Variants in TMEM82 observed in about 807,000 individuals in gnomAD.
The protein encoded by TMEM82 is transmembrane protein 82.
A neutral mutation model predicts 29.2 loss-of-function variants in TMEM82; 30 were observed. The ratio of observed to expected loss-of-function variants is 1.03; its 90% CI spans 0.77 to 1.39. TMEM82 has a LOEUF of 1.39. Ranked by LOEUF, TMEM82 falls within the 40% of genes most tolerant of loss-of-function variation. TMEM82 has a pLI of 0.00. For missense variants in TMEM82, 442 were observed against 447.7 expected (o/e 0.99, Z 0.12); for synonymous variants, 221 against 225.4 (o/e 0.98, Z 0.18).
intron 5 of TMEM82, among the ~76,000 whole-genome samples, chr1:15,747,284 T>G (rs1242153946): frequency 6.7e-6 from 1 of 149,070 alleles, no homozygotes; most frequent in Non-Finnish European, 1.5e-5. Flanking sequence ...AGAGTGAGAC[T>G]CCATCTCCAA....
Position 15,744,118 on chromosome 1 carries a change from G to A in TMEM82, c.337-42G>A. 6.9e-7 allele frequency: 1 copy of A among 1,455,208 alleles called. No individual in the cohort carries two copies. Among genetic ancestry groups the A allele is most frequent in the Non-Finnish European group, 9.1e-7 (1 of 1,104,512 alleles). The allele number at this position is 1,455,208 out of a possible 1,614,324, so 90.1% of individuals were successfully genotyped here. On this transcript the variant is annotated intron_variant, in intron 3 of 5. Coordinates refer to ENST00000375782, the MANE Select transcript of TMEM82 (RefSeq NM_001013641.3). The surrounding 1 kb of genome is among the most constrained non-coding windows in gnomAD (Gnocchi z 5.2). ...CTGTGGTGGGCAGCACCTGTGGTGA[G>A]GCAGCCCCCACATCTCGGCCCCTCT...
In TMEM82 at chr1:15,745,227, A is replaced by G. The variant is rs143827473; in HGVS notation, c.757+647A>G. Among the ~76,000 whole-genome samples, 1,152 of 152,164 alleles carry G rather than the reference A, an allele frequency of 7.6e-3. 9 individuals are homozygous for G. Among genetic ancestry groups the G allele is most frequent in the South Asian group, 0.012 (58 of 4,814 alleles). On this transcript the variant is annotated intron_variant, in intron 4 of 5. Coordinates refer to ENST00000375782, the MANE Select transcript of TMEM82 (RefSeq NM_001013641.3). ...ATGCCAGGCTAATTTTATTTTTTGT[A>G]GAGAAGGGGTCAGCCGGGCACAGTG... is the stretch of plus-strand genomic sequence containing the variant.
In TMEM82 at chr1:15,743,126, C is replaced by T. The variant is rs140240752; in HGVS notation, c.268C>T (p.Arg90Trp). The T allele has an allele frequency of 1.1e-5, 18 of 1,611,856 alleles. No homozygotes were observed. The highest frequency in any genetic ancestry group is 2.7e-5 in the African/African-American group (2 of 74,924). The change falls in exon 3 of 6, where the codon CGG becomes TGG. Residue 90 changes from arginine to tryptophan, a missense_variant. Arg to Trp is a moderately radical substitution (Grantham distance 101). Transcript: ENST00000375782. ...CCTGTTTCTGACGGTCGTGGGGTCC[C>T]GGGTGGCTGCCCTCGTGGTGCTCGA... ...LALFLTVVGS[R>W]VAALVVLEFS...
chr1:15,743,800 C>G (rs2068311529), intron 3 of TMEM82, among the ~76,000 whole-genome samples: 1 of 152,008 alleles, frequency 6.6e-6, no homozygotes, highest in African/African-American at 2.4e-5. Flanking sequence ...AAAACAAAAA[C>G]AAACAAACAA....
chr1:15,742,986 T>C (rs372906109), intron 2 of TMEM82, 34 bp from the exon 3 acceptor site: 13 of 1,601,836 alleles, frequency 8.1e-6, no homozygotes, highest in Middle Eastern at 1.7e-4. Flanking sequence ...GTGGCAGTTC[T>C]GCACCCCTGC....
chr1:15,743,244 C>T (rs765969759), intron 3 of TMEM82, 50 bp downstream of exon 3: 44 of 1,552,750 alleles, frequency 2.8e-5, no homozygotes, highest in African/African-American at 1.6e-4. Context: ...GCCCAGGGCC[C>T]GGGCTCACCC....
rs902285152 is a variant in TMEM82 at position 15,742,548 on chromosome 1, T to C, written c.-12T>C. The C allele has an allele frequency of 3.8e-6, 6 of 1,570,050 alleles. No individual in the cohort carries two copies. The highest frequency in any genetic ancestry group is 5.2e-6 in the Non-Finnish European group (6 of 1,161,176). On this transcript the variant is annotated 5_prime_UTR_variant, in exon 1 of 6. Transcript: ENST00000375782. ...GACCTGGCCGGAGGCTGGGGCTCCT[T>C]CCGGGGCTGCCATGTTCTCTCTTCC... is the stretch of plus-strand genomic sequence containing the variant.
Position 15,744,465 on chromosome 1 carries a change from G to T in TMEM82, c.642G>T (p.Val214=). 1 of 1,609,360 alleles carries T rather than the reference G, an allele frequency of 6.2e-7. No individual in the cohort carries two copies. The highest frequency in any genetic ancestry group is 1.1e-5 in the South Asian group (1 of 90,152). Residue 214 remains valine (V), a synonymous_variant, in exon 4 of 6, where the codon GTG becomes GTT. Transcript: ENST00000375782. The surrounding 1 kb of genome is among the most constrained non-coding windows in gnomAD (Gnocchi z 5.2). ...GTGCCCTGGCCATAGCCTTTGCCGT[G>T]GGTGACCTGGCAGCTGTGGCCCTCA... ...LGRALAIAFA[V]GDLAAVALIN... is the part of the protein sequence containing the mutation.
At position 15,744,126 on chromosome 1, in the gene TMEM82, C is replaced by T; in HGVS notation, c.337-34C>T. ...GGCAGCACCTGTGGTGAGGCAGCCC[C>T]CACATCTCGGCCCCTCTTCGGCACT... On this transcript the variant is annotated intron_variant, in intron 3 of 5. Coordinates refer to ENST00000375782, the MANE Select transcript of TMEM82 (RefSeq NM_001013641.3). This position sits in a 1 kb window ranked among gnomAD's most constrained non-coding sequence, Gnocchi z 5.2. 1 of 1,464,910 alleles carries T rather than the reference C, an allele frequency of 6.8e-7. No homozygotes were observed. The highest frequency in any genetic ancestry group is 1.4e-5 in the African/African-American group (1 of 71,528). 90.7% of individuals were successfully genotyped at this position (1,464,910 alleles called of 1,614,324 possible). A position where few individuals can be genotyped will look rare whatever the true frequency, so the allele number is the denominator to read the frequency against.
chr1:15,745,571 GA>G (rs1020242012), intron 4 of TMEM82, among the ~76,000 whole-genome samples: 9 of 151,346 alleles, frequency 5.9e-5, no homozygotes, highest in African/African-American at 1.9e-4. Context: ...AAGAGAGAGA[GA>G]GAGAAAGAGA....
rs760463068 is a variant in TMEM82 at position 15,743,019 on chromosome 1, G to A, written c.162-1G>A. On this transcript the variant is annotated splice_acceptor_variant, in intron 2 of 5. Coordinates refer to ENST00000375782, the MANE Select transcript of TMEM82 (RefSeq NM_001013641.3). LOFTEE classifies it high-confidence loss of function. ...TGCCCACACCCATTCTGTCCCCAAAGTGACCCGCAGCGGCGACCCGAAAAG... is the reference window on the plus strand; with the variant it reads ...TGCCCACACCCATTCTGTCCCCAAAATGACCCGCAGCGGCGACCCGAAAAG... The A allele has an allele frequency of 2.5e-6, 4 of 1,598,138 alleles. No individual in the cohort carries two copies. The highest frequency in any genetic ancestry group is 2.2e-5 in the South Asian group (2 of 88,994).
In TMEM82 at chr1:15,743,198, A is replaced by G. The variant is rs781410741; in HGVS notation, c.336+4A>G. ...CACGCTGCTGTCCCTGGGCAAGGTG[A>G]GGCCTCCGGGAAGGCAGTGGGTGGA... On this transcript the variant is annotated splice_donor_region_variant and intron_variant, in intron 3 of 5. Transcript: ENST00000375782. The G allele has an allele frequency of 7.5e-6, 12 of 1,604,734 alleles. No homozygotes were observed. The highest frequency in any genetic ancestry group is 1.0e-5 in the Non-Finnish European group (12 of 1,179,306).
intron 5 of TMEM82, among the ~76,000 whole-genome samples, chr1:15,747,292 CAA>C (rs1167907648): frequency 1.4e-5 from 2 of 142,054 alleles, no homozygotes; most frequent in Non-Finnish European, 1.5e-5. Flanking sequence ...ACTCCATCTC[CAA>C]AAAAAAAAAA....
Position 15,744,570 on chromosome 1 carries a change from C to T in TMEM82, c.747C>T (p.Ile249=), listed in dbSNP as rs2068320482. 1 of 1,608,706 alleles carries T rather than the reference C, an allele frequency of 6.2e-7. No individual in the cohort carries two copies. The highest frequency in any genetic ancestry group is 1.3e-5 in the African/African-American group (1 of 74,872). Residue 249 remains isoleucine, a synonymous_variant, in exon 4 of 6, where the codon ATC becomes ATT. Transcript: ENST00000375782. This position sits in a 1 kb window ranked among gnomAD's most constrained non-coding sequence, Gnocchi z 5.2. ...PLTICYTLLV[I]YMQEEQRQHP... is the part of the protein sequence containing the mutation. ...CCATCTGCTACACGCTGCTGGTCAT[C>T]TACATGCAGGGTGAGCGCTGCGGGG...
In TMEM82 at chr1:15,742,889, T is replaced by C. The variant is rs2068301406; in HGVS notation, c.143T>C (p.Phe48Ser). ...LVLNSLLKVY[F>S]FVGCANDPQR... ...CTGAACAGCCTCCTGAAAGTTTACT[T>C]CTTCGTGGGCTGTGCCAAGTGAGTG... The change falls in exon 2 of 6, where the codon TTC becomes TCC. Residue 48 changes from phenylalanine (F) to serine (S), a missense_variant. By Grantham distance (155) the Phe-to-Ser change is radical (BLOSUM62 -2). Transcript: ENST00000375782. 1 of 1,612,806 alleles carries C rather than the reference T, an allele frequency of 6.2e-7. No individual in the cohort carries two copies. Among genetic ancestry groups the C allele is most frequent in the Non-Finnish European group, 8.5e-7 (1 of 1,179,940 alleles).
rs759963454 is a variant in TMEM82 at position 15,744,410 on chromosome 1, A to G, written c.587A>G (p.His196Arg). The G allele has an allele frequency of 3.2e-6, 5 of 1,584,674 alleles. No individual in the cohort carries two copies. Among genetic ancestry groups the G allele is most frequent in the African/African-American group, 1.3e-5 (1 of 74,622 alleles). The change falls in exon 4 of 6, where the codon CAT becomes CGT. Residue 196 changes from histidine to arginine, a missense_variant. Transcript: ENST00000375782. The surrounding 1 kb of genome is among the most constrained non-coding windows in gnomAD (Gnocchi z 5.2). ...GGGGTGTGCCTGGGCCTGCTGGCCCATGCACATGGCCTCCCCCAGCTGCTG... is the reference window on the plus strand; with the variant it reads ...GGGGTGTGCCTGGGCCTGCTGGCCCGTGCACATGGCCTCCCCCAGCTGCTG... Reference protein sequence around the residue: ...YCGVCLGLLAHAHGLPQLLGR... With the variant: ...YCGVCLGLLARAHGLPQLLGR...
At position 15,744,441 on chromosome 1, in the gene TMEM82, T is replaced by C. The variant is rs2068318710; in HGVS notation, c.618T>C (p.Arg206=). Residue 206 remains arginine (R), a synonymous_variant, in exon 4 of 6, where the codon CGT becomes CGC. Transcript: ENST00000375782. This position sits in a 1 kb window ranked among gnomAD's most constrained non-coding sequence, Gnocchi z 5.2. ...ATGGCCTCCCCCAGCTGCTGGGCCG[T>C]GCCCTGGCCATAGCCTTTGCCGTGG... ...HAHGLPQLLG[R]ALAIAFAVGD... is the part of the protein sequence containing the mutation. The C allele has an allele frequency of 3.1e-6, 5 of 1,601,648 alleles. No homozygotes were observed. In the South Asian group the frequency reaches 4.5e-5, roughly 14 times the overall value.
chr1:15,746,630 G>A (rs1225337984), intron 4 of TMEM82, among the ~76,000 whole-genome samples: 3 of 152,102 alleles, frequency 2.0e-5, no homozygotes, highest in Admixed American at 6.6e-5. Flanking sequence ...GCGAGGCTGC[G>A]AGGCTGTGGG....
intron 4 of TMEM82, among the ~76,000 whole-genome samples, chr1:15,745,707 A>T (rs111910345): frequency 0.085 from 12,896 of 151,680 alleles, 688 homozygotes; most frequent in African/African-American, 0.14. Context: ...AGCTTGGCCA[A>T]TGTGGTGAAA....
Sources: allele counts gnomAD v4.1 joint callset (sites outside exome capture counted in the v4.1 genomes callset), GRCh38; gene constraint gnomAD v4.1.1; non-coding constraint Gnocchi (gnomAD v3.1); transcripts MANE v1.5; gene names NCBI Gene and HGNC (gene_info 2026-07-23, HGNC 2026-07-21).